The following SEMA6D variants were observed in gnomAD, a reference collection of about 807,000 sequenced individuals.
SEMA6D encodes the protein semaphorin-6D.
A neutral mutation model predicts 106.6 loss-of-function variants in SEMA6D; 35 were observed. The observed-to-expected ratio is 0.33, with a 90% confidence interval of 0.25 to 0.44. SEMA6D has a LOEUF of 0.44. Among genes scored for constraint, SEMA6D ranks in the 20% least tolerant of loss-of-function variants. The pLI is 1.00. For synonymous variants in SEMA6D, 499 were observed against 487.7 expected, an observed-to-expected ratio of 1.02 and a Z score of -0.31; for missense variants, 1,185 against 1,345.9, an observed-to-expected ratio of 0.88 and a Z score of 1.87.
In SEMA6D at chr15:47,764,879, G is replaced by A. The variant is rs771719210; in HGVS notation, c.1254-4G>A. 7 of 1,613,822 alleles carry A rather than the reference G, an allele frequency of 4.3e-6. No individual in the cohort carries two copies. The Admixed American group carries it at 6.7e-5, about 15-fold the overall frequency. On this transcript the variant is annotated splice_polypyrimidine_tract_variant and splice_region_variant and intron_variant, in intron 12 of 18. Transcript: ENST00000536845. ...CTTCTGATCTGTGCCGCCTCCTCTT[G>A]TAGGTACAGACTGACGGCCATCTCA...
At chr15:47,284,437 C>T (rs946506303) in intron 1 of SEMA6D, among the ~76,000 whole-genome samples, 80 of 152,128 alleles carry the variant, frequency 5.3e-4, no homozygotes, top group African/African-American at 1.9e-3. Context: ...TTCCCAAGGT[C>T]CTTTCTAGGT....
intron 1 of SEMA6D, among the ~76,000 whole-genome samples, chr15:47,366,931 C>A (rs1398498588): frequency 6.6e-6 from 1 of 152,148 alleles, no homozygotes; most frequent in Non-Finnish European, 1.5e-5. Context: ...GGGCTCTAGT[C>A]AGAAAAATGA....
intron 1 of SEMA6D, chr15:47,397,963 T>G (rs2040272382): frequency 6.6e-6 from 1 of 152,140 alleles, no homozygotes; most frequent in African/African-American, 2.4e-5. Flanking sequence ...TATAAACAAA[T>G]ATGCTTATAA....
chr15:47,344,626 C>G (rs892293982), intron 1 of SEMA6D, among the ~76,000 whole-genome samples: 8 of 152,170 alleles, frequency 5.3e-5, no homozygotes, highest in Middle Eastern at 3.4e-3. Flanking sequence ...AAGAGAAAGC[C>G]ACATGGAAGA....
At position 47,506,587 on chromosome 15, in the gene SEMA6D, TACACACACACAA is replaced by T. The variant is rs1352681356; in HGVS notation, c.-87+36054_-87+36065del. On this transcript the variant is annotated intron_variant, in intron 3 of 19. Transcript: ENST00000558014. ...AAGGCCTCCTAACTACATGGGCATT[TACACACACACAA>T]ACACACACACACACACACACACACA... Among the ~76,000 whole-genome samples the T allele has an allele frequency of 4.3e-4, 41 of 94,432 alleles. No individual in the cohort carries two copies. The East Asian group carries it at 0.023, about 54-fold the overall frequency. The allele number at this position is 94,432 out of a possible 152,430, so 62.0% of individuals were successfully genotyped here.
intron 4 of SEMA6D, among the ~76,000 whole-genome samples, chr15:47,644,662 G>A (rs1344640676): frequency 2.6e-5 from 4 of 152,142 alleles, no homozygotes; most frequent in Admixed American, 6.6e-5. Context: ...GAAGGCCCTC[G>A]CCAGACACCA....
intron 1 of SEMA6D, among the ~76,000 whole-genome samples, chr15:47,369,574 C>T (rs532672852): frequency 2.0e-5 from 3 of 152,052 alleles, no homozygotes; most frequent in Admixed American, 6.5e-5. Context: ...TATAAGATAC[C>T]GATTAGGATG....
intron 3 of SEMA6D, among the ~76,000 whole-genome samples, chr15:47,560,450 CAA>C (rs2046046066): frequency 6.6e-6 from 1 of 151,726 alleles, no homozygotes; most frequent in East Asian, 1.9e-4. Flanking sequence ...ATAAAGGGCT[CAA>C]GAGCAGATTT....
intron 4 of SEMA6D, among the ~76,000 whole-genome samples, chr15:47,692,569 CG>C (rs1202009377): frequency 6.6e-6 from 1 of 152,136 alleles, no homozygotes; most frequent in Non-Finnish European, 1.5e-5. Flanking sequence ...AATATTGTCA[CG>C]TTACATTAAA....
chr15:47,291,023 G>A (rs2035574210), intron 1 of SEMA6D, among the ~76,000 whole-genome samples: 1 of 152,170 alleles, frequency 6.6e-6, no homozygotes, highest in South Asian at 2.1e-4. Context: ...TTTCAGTGAT[G>A]TATAGCTAGG....
chr15:47,278,971 C>G (rs1351677472), intron 1 of SEMA6D, among the ~76,000 whole-genome samples: 1 of 145,174 alleles, frequency 6.9e-6, no homozygotes, highest in East Asian at 2.0e-4. Flanking sequence ...CCATTGATCT[C>G]TATCTCTGTT....
At chr15:47,288,075 T>G (rs1357590562) in intron 1 of SEMA6D, among the ~76,000 whole-genome samples, 1 of 152,098 alleles carries the variant, frequency 6.6e-6, no homozygotes, top group Non-Finnish European at 1.5e-5. Flanking sequence ...GAGGGAGAGT[T>G]CAGTTTATCA....
chr15:47,396,920 T>C (rs1257238504), intron 1 of SEMA6D, among the ~76,000 whole-genome samples: 16 of 152,116 alleles, frequency 1.1e-4, no homozygotes, highest in Non-Finnish European at 7.4e-5. Flanking sequence ...TTGATCTGTG[T>C]CTCCTTTTCT....
intron 3 of SEMA6D, among the ~76,000 whole-genome samples, chr15:47,555,314 G>A (rs748311643): frequency 2.0e-5 from 3 of 151,944 alleles, no homozygotes; most frequent in East Asian, 1.9e-4. Context: ...TTCTCATAAC[G>A]GTTATCTGTT....
chr15:47,602,493 T>TGG (rs1179421710), intron 4 of SEMA6D, among the ~76,000 whole-genome samples: 3 of 151,816 alleles, frequency 2.0e-5, no homozygotes, highest in Non-Finnish European at 4.4e-5. Context: ...ATAACAATGC[T>TGG]GGGAGGGGGG....
intron 1 of SEMA6D, among the ~76,000 whole-genome samples, chr15:47,269,994 G>A (rs2034487647): frequency 6.6e-6 from 1 of 151,532 alleles, no homozygotes; most frequent in African/African-American, 2.4e-5. Context: ...ATAATACTGA[G>A]TCAGATAAAT....
intron 3 of SEMA6D, among the ~76,000 whole-genome samples, chr15:47,581,702 C>G (rs1247630955): frequency 6.6e-6 from 1 of 152,172 alleles, no homozygotes; most frequent in East Asian, 1.9e-4. Flanking sequence ...TAGCTGGTTT[C>G]AACTCATGTA....
At chr15:47,544,046 G>A (rs563978375) in intron 3 of SEMA6D, among the ~76,000 whole-genome samples, 4 of 152,060 alleles carry the variant, frequency 2.6e-5, no homozygotes, top group African/African-American at 9.6e-5. Flanking sequence ...AAAGAAGTTT[G>A]GTTAATTTTG....
intron 3 of SEMA6D, among the ~76,000 whole-genome samples, chr15:47,594,908 G>A (rs78381179): frequency 0.017 from 2,641 of 152,104 alleles, 80 homozygotes; most frequent in African/African-American, 0.061. Flanking sequence ...TGTGTGTAGA[G>A]GAGTGTGAAC....
Sources: gnomAD v4.1 joint callset for allele counts (sites outside exome capture counted in the v4.1 genomes callset) on GRCh38, gnomAD v4.1.1 for gene constraint, MANE v1.5 for transcripts, NCBI Gene and HGNC (gene_info 2026-07-23, HGNC 2026-07-21) for gene names.